CD5: variants seen among roughly 807,000 people sequenced by gnomAD.
The protein encoded by CD5 is T-cell surface glycoprotein CD5.
CD5 carries 36 observed loss-of-function variants against 60.3 expected under a neutral mutation model. The observed-to-expected ratio is 0.60, with a 90% CI of 0.46 to 0.79. The LOEUF (loss-of-function observed/expected upper bound fraction) is 0.79. Among genes scored for constraint, CD5 ranks in the 30% least tolerant of loss-of-function variants. The pLI, the probability that CD5 is intolerant of heterozygous loss-of-function variation, is 0.00. For synonymous variants in CD5, 230 were observed against 257.6 expected (o/e 0.89, Z 1.03); for missense variants, 540 against 630.6 (o/e 0.86, Z 1.54).
chr11:61,103,144 C>G (rs1860725153), intron 1 of CD5, among the ~76,000 whole-genome samples: 1 of 152,212 alleles, frequency 6.6e-6, no homozygotes, highest in Non-Finnish European at 1.5e-5. Context: ...AGCGGAAGTC[C>G]TAGGCCCTCT....
In CD5 at chr11:61,115,071, G is replaced by A; in HGVS notation, c.71G>A (p.Gly24Glu). 1 of 1,559,088 alleles carries A rather than the reference G, an allele frequency of 6.4e-7. No individual in the cohort carries two copies. Among genetic ancestry groups the A allele is most frequent in the Non-Finnish European group, 8.7e-7 (1 of 1,150,772 alleles). Reference sequence around the variant, plus strand: ...CTTTCTGCAGTCGCTTCCTGCCTCGGACGGCTCAGCTGGTATGACCCAGGT... The same window carrying A: ...CTTTCTGCAGTCGCTTCCTGCCTCGAACGGCTCAGCTGGTATGACCCAGGT... ...LLGMLVASCL[G>E]RLSWYDPDFQ... Residue 24 changes from glycine to glutamate, a missense_variant, in exon 2 of 11, where the codon GGA becomes GAA. By Grantham distance (98) the Gly-to-Glu change is moderately conservative. Transcript: ENST00000347785.
chr11:61,120,669 A>C (rs1766752040), intron 5 of CD5, among the ~76,000 whole-genome samples: 1 of 152,100 alleles, frequency 6.6e-6, no homozygotes, highest in Non-Finnish European at 1.5e-5. Flanking sequence ...TATGTGCACA[A>C]ATCTAGGAAT....
At chr11:61,102,702 T>G in intron 1 of CD5, 87 bp downstream of exon 1, 1 of 1,168,986 alleles carries the variant, frequency 8.6e-7, no homozygotes, top group Non-Finnish European at 1.2e-6. Flanking sequence ...AGGCTGACTC[T>G]GGGATCCACA....
At chr11:61,105,240 G>A (rs1476721889) in intron 1 of CD5, among the ~76,000 whole-genome samples, 2 of 152,254 alleles carry the variant, frequency 1.3e-5, no homozygotes, top group African/African-American at 4.8e-5. Flanking sequence ...CTGGCAGTGA[G>A]GCGGGGAAGC....
chr11:61,109,274 C>T (rs1860817312), intron 1 of CD5, among the ~76,000 whole-genome samples: 1 of 152,216 alleles, frequency 6.6e-6, no homozygotes, highest in Non-Finnish European at 1.5e-5. Context: ...AATCTTGACA[C>T]ATCCCCCTTA....
intron 1 of CD5, among the ~76,000 whole-genome samples, chr11:61,109,595 G>C (rs978060998): frequency 6.6e-6 from 1 of 152,104 alleles, no homozygotes; most frequent in African/African-American, 2.4e-5. Context: ...GCCGTAATGA[G>C]AGCCAAAGTG....
chr11:61,123,729 C>G (rs561850462), intron 7 of CD5, among the ~76,000 whole-genome samples, 155 bp from the exon 8 acceptor site: 1 of 152,048 alleles, frequency 6.6e-6, no homozygotes, highest in Admixed American at 6.6e-5. Context: ...CTGAGGCCTA[C>G]GAGAGACTCC....
chr11:61,124,390 T>C (rs529249328), intron 8 of CD5, among the ~76,000 whole-genome samples: 1 of 152,306 alleles, frequency 6.6e-6, no homozygotes, highest in East Asian at 1.9e-4. Context: ...TGGGCATTTT[T>C]GTATTGCCCA....
intron 1 of CD5, among the ~76,000 whole-genome samples, chr11:61,109,240 C>A (rs1473009498): frequency 1.3e-5 from 2 of 152,238 alleles, no homozygotes; most frequent in African/African-American, 4.8e-5. Flanking sequence ...AAATCCTGAC[C>A]TGAACGAATG....
In CD5 at chr11:61,118,253, T is replaced by A. The variant is rs182453573; in HGVS notation, c.173T>A (p.Met58Lys). The A allele has an allele frequency of 3.0e-5, 48 of 1,614,178 alleles. 1 individual carries two copies. The Middle Eastern group carries it at 1.2e-3, about 39-fold the overall frequency. The change falls in exon 3 of 11, where the codon ATG (methionine) becomes AAG (lysine). Residue 58 changes from methionine to lysine, a missense_variant. Coordinates refer to ENST00000347785, the MANE Select transcript of CD5 (RefSeq NM_014207.4). The surrounding 1 kb of genome is among the most constrained non-coding windows in gnomAD (Gnocchi z 4.7). ...GTCTACCTCAAGGACGGATGGCACATGGTTTGCAGCCAGAGCTGGGGCCGG... is the reference window on the plus strand; with the variant it reads ...GTCTACCTCAAGGACGGATGGCACAAGGTTTGCAGCCAGAGCTGGGGCCGG... ...LEVYLKDGWHMVCSQSWGRSS... is the reference protein window; with the variant it reads ...LEVYLKDGWHKVCSQSWGRSS...
rs1860877797 is a variant in CD5 at position 61,112,856 on chromosome 11, G to A, written c.56-2200G>A. On this transcript the variant is annotated intron_variant, in intron 1 of 10. Coordinates refer to ENST00000347785, the MANE Select transcript of CD5 (RefSeq NM_014207.4). ...TTCATTACAAAGAGTCTTGATTCGG[G>A]GACAAGGATGAACTGTGGAGCACAT... 2.6e-5 allele frequency among the ~76,000 whole-genome samples: 4 copies of A among 152,142 alleles called. No homozygotes were observed. The South Asian group carries it at 8.3e-4, about 32-fold the overall frequency.
At chr11:61,119,085 T>C in intron 4 of CD5, 108 bp downstream of exon 4, 2 of 1,190,918 alleles carry the variant, frequency 1.7e-6, no homozygotes, top group South Asian at 2.8e-5. Flanking sequence ...TTAGTATTGG[T>C]GTGTTCTACG....
chr11:61,108,933 C>T (rs987847057), intron 1 of CD5, among the ~76,000 whole-genome samples: 1 of 152,230 alleles, frequency 6.6e-6, no homozygotes, highest in African/African-American at 2.4e-5. Context: ...CGGTCATTAT[C>T]ACAGGCCTGT....
In CD5 at chr11:61,118,437, C is replaced by T. The variant is rs751901554; in HGVS notation, c.357C>T (p.His119=). ...TGGGCTCCTTCTCCAACTGCAGCCA[C>T]AGCAGAAATGACATGTGTCACTCTC... ...GQLGSFSNCS[H]SRNDMCHSLG... The change falls in exon 3 of 11, where the codon CAC becomes CAT. Residue 119 remains histidine, a synonymous_variant. Transcript: ENST00000347785. The surrounding 1 kb of genome is among the most constrained non-coding windows in gnomAD (Gnocchi z 4.7). The T allele has an allele frequency of 2.5e-5, 41 of 1,614,148 alleles. No individual in the cohort carries two copies. The South Asian group carries it at 4.1e-4, about 16-fold the overall frequency.
chr11:61,115,452 G>C (rs973574153), intron 2 of CD5, among the ~76,000 whole-genome samples: 2 of 152,170 alleles, frequency 1.3e-5, no homozygotes, highest in African/African-American at 4.8e-5. Context: ...AAGATGTTTA[G>C]AGCGGAGTCT....
chr11:61,126,431 GC>G lies in CD5; in HGVS notation c.*150del, dbSNP rs1227363095. 1 of 152,256 alleles carries G rather than the reference GC, an allele frequency of 6.6e-6. No individual in the cohort carries two copies. Among genetic ancestry groups the G allele is most frequent in the Non-Finnish European group, 1.5e-5 (1 of 68,068 alleles). 9.4% of individuals were successfully genotyped at this position (152,256 alleles called of 1,614,324 possible). Reference sequence around the variant, plus strand: ...AGAAGCCTTCCGGACAGGCGCTGCTGCCCCGAGTGGCAGGCCAGCTCACACT... The same window carrying G: ...AGAAGCCTTCCGGACAGGCGCTGCTGCCCGAGTGGCAGGCCAGCTCACACT... On this transcript the variant is annotated 3_prime_UTR_variant, in exon 11 of 11. Coordinates refer to ENST00000347785, the MANE Select transcript of CD5 (RefSeq NM_014207.4).
chr11:61,123,811 A>AAGCCC, intron 7 of CD5, 73 bp from the exon 8 acceptor site: 2 of 262,110 alleles, frequency 7.6e-6, no homozygotes, highest in Non-Finnish European at 1.4e-5. Flanking sequence ...GCCCAGCCCC[A>AAGCCC]TCCCCACCCC....
In CD5 at chr11:61,121,253, AGTGGACCTAG is replaced by A. The variant is rs200911622; in HGVS notation, c.806-352_806-343del. Among the ~76,000 whole-genome samples, 1,481 of 152,316 alleles carry A rather than the reference AGTGGACCTAG, an allele frequency of 9.7e-3. 30 individuals carry two copies. Among genetic ancestry groups the A allele is most frequent in the African/African-American group, 0.033 (1,385 of 41,556 alleles). On this transcript the variant is annotated intron_variant, in intron 5 of 10. Transcript: ENST00000347785. ...AATGACAAGATGTTTCCAAGTGAGA[AGTGGACCTAG>A]GTGGAGCCTATTTCCCACGCTCTTC...
chr11:61,126,455 A>G lies in CD5; in HGVS notation c.*170A>G, dbSNP rs899748359. 2.0e-5 allele frequency: 3 copies of G among 152,164 alleles called. No individual in the cohort carries two copies. Among genetic ancestry groups the G allele is most frequent in the Non-Finnish European group, 2.9e-5 (2 of 68,044 alleles). The allele number at this position is 152,164 out of a possible 1,614,324, so 9.4% of individuals were successfully genotyped here. A position where few individuals can be genotyped will look rare whatever the true frequency, so the allele number is the denominator to read the frequency against. On this transcript the variant is annotated 3_prime_UTR_variant, in exon 11 of 11. Coordinates refer to ENST00000347785, the MANE Select transcript of CD5 (RefSeq NM_014207.4). Reference sequence around the variant, plus strand: ...TGCCCCGAGTGGCAGGCCAGCTCACACTCTGCTGCACAACAGCTCGGCCGC... The same window carrying G: ...TGCCCCGAGTGGCAGGCCAGCTCACGCTCTGCTGCACAACAGCTCGGCCGC...
Sources: gnomAD v4.1 joint callset for allele counts (sites outside exome capture counted in the v4.1 genomes callset) on GRCh38, gnomAD v4.1.1 for gene constraint, Gnocchi (gnomAD v3.1) non-coding constraint, MANE v1.5 for transcripts, NCBI Gene and HGNC (gene_info 2026-07-23, HGNC 2026-07-21) for gene names.